The following EIF4G3 variants were observed in gnomAD, a reference collection of about 807,000 sequenced individuals.
EIF4G3 encodes eIF-4-gamma 3.
In EIF4G3, 34 loss-of-function variants were observed where a neutral mutation model predicts 186.4. The ratio of observed to expected loss-of-function variants is 0.18; its 90% CI spans 0.14 to 0.24. The LOEUF (loss-of-function observed/expected upper bound fraction) is 0.24, where lower values mean the gene tolerates loss of function less well. Ranked by LOEUF, EIF4G3 falls within the 10% of genes least tolerant of loss-of-function variation. EIF4G3 has a pLI of 1.00. For missense variants in EIF4G3, 1,536 were observed against 1,948.5 expected (o/e 0.79, Z 3.99); for synonymous variants, 673 against 679.5 (o/e 0.99, Z 0.15).
intron 3 of EIF4G3, among the ~76,000 whole-genome samples, chr1:21,067,123 TTTC>T (rs947194380): frequency 1.3e-4 from 18 of 140,256 alleles, no homozygotes; most frequent in Middle Eastern, 3.6e-3. Context: ...AAGTAATTTT[TTTC>T]TTTTCTTTTT....
At chr1:21,118,541 C>T (rs1164600937) in intron 2 of EIF4G3, among the ~76,000 whole-genome samples, 1 of 152,140 alleles carries the variant, frequency 6.6e-6, no homozygotes, top group African/African-American at 2.4e-5. Flanking sequence ...AAACCCAACA[C>T]TTTGGGAGGC....
Position 20,942,349 on chromosome 1 carries a change from G to A in EIF4G3, c.824-19C>T, listed in dbSNP as rs371383392. ...TTCTCCTCTGGGGAAAAAAAAATAA[G>A]TTTTAAGAATAATTCTTGGATCAGA... On this transcript the variant is annotated intron_variant, in intron 13 of 36. Transcript: ENST00000602326. 57 of 1,534,230 alleles carry A rather than the reference G, an allele frequency of 3.7e-5. No homozygotes were observed. The highest frequency in any genetic ancestry group is 4.7e-5 in the Non-Finnish European group (54 of 1,146,152).
At chr1:20,896,676 G>A (rs548878901) in intron 16 of EIF4G3, among the ~76,000 whole-genome samples, 1 of 152,206 alleles carries the variant, frequency 6.6e-6, no homozygotes, top group Admixed American at 6.5e-5. Flanking sequence ...ACACAGTAAT[G>A]TCCTAGGCTT....
chr1:21,034,450 T>C (rs1403222994), intron 4 of EIF4G3, among the ~76,000 whole-genome samples: 5 of 152,216 alleles, frequency 3.3e-5, no homozygotes, highest in Non-Finnish European at 5.9e-5. Context: ...TCTACACAAA[T>C]TGAAGTACAC....
chr1:20,844,491 G>A (rs1387650745), intron 29 of EIF4G3, among the ~76,000 whole-genome samples: 1 of 151,724 alleles, frequency 6.6e-6, no homozygotes, highest in African/African-American at 2.4e-5. Context: ...ACTTTTTAGT[G>A]TGTGTTTTTT....
At chr1:21,027,779 T>G (rs1313593375) in intron 4 of EIF4G3, among the ~76,000 whole-genome samples, 1 of 152,216 alleles carries the variant, frequency 6.6e-6, no homozygotes, top group Non-Finnish European at 1.5e-5. Context: ...GCAATTCCAC[T>G]TCCAAGTATC....
intron 4 of EIF4G3, among the ~76,000 whole-genome samples, chr1:21,022,961 C>A (rs747195127): frequency 2.6e-5 from 4 of 152,128 alleles, no homozygotes; most frequent in African/African-American, 7.2e-5. Flanking sequence ...TTCTTTCCTT[C>A]GAGGATGCTA....
At chr1:20,989,056 AGGAGGGGAGGGGAGGGGAGGGGAGG>A (rs1282326465) in intron 7 of EIF4G3, among the ~76,000 whole-genome samples, 3 of 2,322 alleles carry the variant, frequency 1.3e-3, no homozygotes, top group African/African-American at 2.2e-3. Flanking sequence ...AGGAGAGGAG[AGGAGGGGAGGGGAGGGGAGGGGAGG>A]GGAGAGGAGA....
intron 2 of EIF4G3, among the ~76,000 whole-genome samples, chr1:21,170,178 A>AAAAT (rs112846073): frequency 0.48 from 69,775 of 146,774 alleles, 17,040 homozygotes; most frequent in East Asian, 0.79. Flanking sequence ...CTCCATCTCA[A>AAAAT]AAATAAATAA....
chr1:20,945,575 C>T (rs931927841), intron 13 of EIF4G3, among the ~76,000 whole-genome samples: 3 of 152,196 alleles, frequency 2.0e-5, no homozygotes, highest in African/African-American at 7.2e-5. Flanking sequence ...AAGCAATCCT[C>T]CTACCTCAGC....
At chr1:20,813,329 C>G in intron 34 of EIF4G3, 90 bp from the exon 35 acceptor site, 1 of 825,580 alleles carries the variant, frequency 1.2e-6, no homozygotes, top group Middle Eastern at 3.7e-4. Context: ...TTTGGGAGGC[C>G]GAGACAGGAG....
rs1298017198 is a variant in EIF4G3, at chr1:20,995,679, C to T, written c.177+1922G>A. ...GAGCAACCGTACCTGGCCTATTCAGCAATACTGTTTTTGTTTCAAAATTCA... is the reference window on the plus strand; with the variant it reads ...GAGCAACCGTACCTGGCCTATTCAGTAATACTGTTTTTGTTTCAAAATTCA... On this transcript the variant is annotated intron_variant, in intron 7 of 36. Transcript: ENST00000602326. Among the ~76,000 whole-genome samples, 3 of 152,254 alleles carry T rather than the reference C, an allele frequency of 2.0e-5. No individual in the cohort carries two copies. The East Asian group carries it at 5.8e-4, about 29-fold the overall frequency.
At chr1:21,129,178 G>A (rs1362624737) in intron 2 of EIF4G3, among the ~76,000 whole-genome samples, 1 of 151,930 alleles carries the variant, frequency 6.6e-6, no homozygotes. Flanking sequence ...AGCCAGGCGT[G>A]GTGGCGGGTG....
intron 2 of EIF4G3, among the ~76,000 whole-genome samples, chr1:21,139,737 T>TA (rs778427264): frequency 3.3e-4 from 51 of 152,248 alleles, no homozygotes; most frequent in Non-Finnish European, 5.1e-4. Context: ...GTTGCCAACT[T>TA]AGAGTGCAGT....
intron 29 of EIF4G3, 156 bp from the exon 30 acceptor site, chr1:20,841,184 T>C (rs1408645288): frequency 1.5e-6 from 1 of 684,480 alleles, no homozygotes; most frequent in Non-Finnish European, 2.3e-6. Context: ...TTAACATAAT[T>C]TATAGCTCAG....
chr1:21,060,506 T>C (rs1220439410), intron 3 of EIF4G3, among the ~76,000 whole-genome samples: 2 of 152,218 alleles, frequency 1.3e-5, no homozygotes, highest in Non-Finnish European at 2.9e-5. Context: ...GGGAACCTAC[T>C]GGAAGTTTTA....
chr1:20,869,570 T>C (rs1456370166), intron 20 of EIF4G3, among the ~76,000 whole-genome samples: 2 of 151,464 alleles, frequency 1.3e-5, no homozygotes, highest in Admixed American at 6.6e-5. Flanking sequence ...GGTCAGGAGA[T>C]TGAGACCATC....
chr1:21,132,560 A>T (rs1424127001), intron 2 of EIF4G3, among the ~76,000 whole-genome samples: 1 of 151,472 alleles, frequency 6.6e-6, no homozygotes, highest in Non-Finnish European at 1.5e-5. Flanking sequence ...TCAGCCTCCC[A>T]AGTATTATAG....
At chr1:20,985,340 C>T (rs1018180385) in intron 7 of EIF4G3, among the ~76,000 whole-genome samples, 1 of 152,122 alleles carries the variant, frequency 6.6e-6, no homozygotes, top group Non-Finnish European at 1.5e-5. Context: ...ATGCTAAAAG[C>T]GTATCCTTGG....
Sources: allele counts gnomAD v4.1 joint callset (sites outside exome capture counted in the v4.1 genomes callset), GRCh38; gene constraint gnomAD v4.1.1; transcripts MANE v1.5; gene names NCBI Gene and HGNC (gene_info 2026-07-23, HGNC 2026-07-21).